MTUS2: variants seen among roughly 807,000 people sequenced by gnomAD.
MTUS2 encodes microtubule associated scaffold protein 2.
MTUS2 carries 40 observed loss-of-function variants against 114.1 expected under a neutral mutation model. The ratio of observed to expected loss-of-function variants is 0.35; its 90% CI spans 0.27 to 0.46. The LOEUF is 0.46. Among genes scored for constraint, MTUS2 ranks in the 20% least tolerant of loss-of-function variants. The pLI is 1.00. For missense variants in MTUS2, 1,679 were observed against 1,705.4 expected, an observed-to-expected ratio of 0.98 and a Z score of 0.27; for synonymous variants, 688 against 672.0, an observed-to-expected ratio of 1.02 and a Z score of -0.37.
intron 9 of MTUS2, among the ~76,000 whole-genome samples, chr13:29,465,761 C>T (rs957306316): frequency 1.3e-5 from 2 of 152,168 alleles, no homozygotes; most frequent in African/African-American, 2.4e-5. Context: ...CTGGGGGCTT[C>T]GTGAACATAA....
At chr13:29,217,828 T>C (rs2139308858) in intron 5 of MTUS2, among the ~76,000 whole-genome samples, 1 of 152,350 alleles carries the variant, frequency 6.6e-6, no homozygotes, top group South Asian at 2.1e-4. Context: ...ATTTCAACAA[T>C]GTTCACAGGC....
At chr13:29,245,694 ATTTTTT>A (rs34670074) in intron 5 of MTUS2, among the ~76,000 whole-genome samples, 3 of 125,582 alleles carry the variant, frequency 2.4e-5, no homozygotes, top group African/African-American at 9.1e-5. Context: ...ATCTATTTTA[ATTTTTT>A]TTTTTTTTTT....
At chr13:29,475,611 T>A (rs190724994) in intron 9 of MTUS2, among the ~76,000 whole-genome samples, 30 of 152,270 alleles carry the variant, frequency 2.0e-4, no homozygotes, top group Non-Finnish European at 2.9e-4. Context: ...CTTACGCTAA[T>A]ATATGCATTT....
intron 9 of MTUS2, among the ~76,000 whole-genome samples, chr13:29,445,109 G>C (rs1394781177): frequency 6.6e-6 from 1 of 152,212 alleles, no homozygotes; most frequent in Non-Finnish European, 1.5e-5. Context: ...CTCTACCAGA[G>C]ACTTGACTTG....
At chr13:28,963,706 T>C (rs1364672365) in intron 2 of MTUS2, among the ~76,000 whole-genome samples, 1 of 152,198 alleles carries the variant, frequency 6.6e-6, no homozygotes, top group Non-Finnish European at 1.5e-5. Flanking sequence ...GGACGCTTTC[T>C]TACCTTCTCC....
At chr13:29,396,294 A>G (rs573061908) in intron 8 of MTUS2, among the ~76,000 whole-genome samples, 1 of 152,178 alleles carries the variant, frequency 6.6e-6, no homozygotes, top group Admixed American at 6.6e-5. Context: ...AACTCCTTGT[A>G]TGTATTTTTT....
intron 4 of MTUS2, among the ~76,000 whole-genome samples, chr13:29,050,787 C>T (rs546754770): frequency 5.6e-4 from 86 of 152,282 alleles, no homozygotes; most frequent in South Asian, 1.4e-3. Context: ...TCTCATAGTA[C>T]GAGGTCTTCC....
intron 8 of MTUS2, among the ~76,000 whole-genome samples, chr13:29,426,950 G>T (rs548515815): frequency 2.4e-4 from 36 of 152,268 alleles, no homozygotes; most frequent in African/African-American, 8.2e-4. Flanking sequence ...TTTTCTCACA[G>T]ATTTCAAAAG....
At chr13:28,922,929 C>T (rs1388415965) in intron 2 of MTUS2, among the ~76,000 whole-genome samples, 2 of 152,200 alleles carry the variant, frequency 1.3e-5, no homozygotes, top group African/African-American at 2.4e-5. Context: ...TCTTAAAATA[C>T]TCTTTTAGCC....
At chr13:29,436,730 A>G (rs1029193148) in intron 8 of MTUS2, among the ~76,000 whole-genome samples, 9 of 151,208 alleles carry the variant, frequency 6.0e-5, no homozygotes, top group African/African-American at 2.2e-4. Context: ...CCAAATGGAG[A>G]TGGTACAAGG....
intron 2 of MTUS2, among the ~76,000 whole-genome samples, chr13:28,956,925 G>A (rs1014137058): frequency 2.1e-5 from 3 of 144,972 alleles, no homozygotes; most frequent in Non-Finnish European, 4.5e-5. Flanking sequence ...CGAGATGGGC[G>A]ATCTGGTGGG....
intron 8 of MTUS2, among the ~76,000 whole-genome samples, chr13:29,373,488 C>T (rs1372261569): frequency 1.3e-5 from 2 of 152,070 alleles, no homozygotes; most frequent in Non-Finnish European, 2.9e-5. Context: ...GGAAAATGAC[C>T]CCTTAAATTG....
intron 8 of MTUS2, among the ~76,000 whole-genome samples, chr13:29,384,842 T>G (rs945348415): frequency 6.6e-6 from 1 of 152,194 alleles, no homozygotes; most frequent in Non-Finnish European, 1.5e-5. Context: ...TGCTTACCTT[T>G]AACAGTTATT....
At chr13:29,227,415 G>A (rs890563783) in intron 5 of MTUS2, among the ~76,000 whole-genome samples, 2 of 152,138 alleles carry the variant, frequency 1.3e-5, no homozygotes, top group Non-Finnish European at 1.5e-5. Flanking sequence ...TGTGTCTGTA[G>A]CACCCAGGCA....
At chr13:28,847,691 A>C (rs927410107) in intron 2 of MTUS2, among the ~76,000 whole-genome samples, 1 of 151,986 alleles carries the variant, frequency 6.6e-6, no homozygotes, top group African/African-American at 2.4e-5. Context: ...ACTTTGTTTC[A>C]TCTTGGCTTT....
At chr13:29,471,063 C>A (rs137931672) in intron 9 of MTUS2, among the ~76,000 whole-genome samples, 1 of 152,104 alleles carries the variant, frequency 6.6e-6, no homozygotes, top group South Asian at 2.1e-4. Context: ...TGCTTCCTGG[C>A]GGGGCGGGGT....
At chr13:28,929,565 G>C (rs17562986) in intron 2 of MTUS2, among the ~76,000 whole-genome samples, 12,771 of 152,260 alleles carry the variant, frequency 0.084, 603 homozygotes, top group South Asian at 0.13. Context: ...CTGGAACCAT[G>C]ACTTCAAGCA....
intron 2 of MTUS2, among the ~76,000 whole-genome samples, chr13:28,992,591 T>C (rs1217491597): frequency 1.3e-5 from 2 of 152,206 alleles, no homozygotes; most frequent in Non-Finnish European, 1.5e-5. Flanking sequence ...TTAATAATTG[T>C]ATTTTCAGTG....
At chr13:29,359,167 C>T in intron 7 of MTUS2, 95 bp from the exon 8 acceptor site, 1 of 1,179,974 alleles carries the variant, frequency 8.5e-7, no homozygotes, top group African/African-American at 1.5e-5. Flanking sequence ...TCTTCTCTAC[C>T]ACTTGAAGAA....
Sources: gnomAD v4.1 joint callset for allele counts (sites outside exome capture counted in the v4.1 genomes callset) on GRCh38, gnomAD v4.1.1 for gene constraint, MANE v1.5 for transcripts, NCBI Gene and HGNC (gene_info 2026-07-23, HGNC 2026-07-21) for gene names.